KAT6B: variants seen among roughly 807,000 people sequenced by gnomAD.
The protein encoded by KAT6B is histone acetyltransferase KAT6B.
KAT6B carries 10 observed loss-of-function variants against 187.5 expected under a neutral mutation model. The observed-to-expected ratio is 0.05, with a 90% CI of 0.03 to 0.09. KAT6B has a LOEUF of 0.09. KAT6B is among the 10% of genes least tolerant of loss of function. The pLI is 1.00. For missense variants in KAT6B, 1,952 were observed against 2,558.9 expected (o/e 0.76, Z 5.12); for synonymous variants, 861 against 926.8 (o/e 0.93, Z 1.29).
chr10:74,935,911 G>A lies in KAT6B; in HGVS notation c.622-24059G>A, dbSNP rs149777601. On this transcript the variant is annotated intron_variant, in intron 3 of 17. Coordinates refer to ENST00000287239, the MANE Select transcript of KAT6B (RefSeq NM_012330.4). ...AAATAATTTTTTTTAAAAGGATAGT[G>A]TGAGGAAGTAATTTTGTTTTTAAAA... Among the ~76,000 whole-genome samples the A allele has an allele frequency of 1.1e-3, 167 of 152,346 alleles. 1 individual carries two copies. Among genetic ancestry groups the A allele is most frequent in the African/African-American group, 3.8e-3 (158 of 41,590 alleles).
rs533885492 is a variant in KAT6B, at chr10:74,905,286, G to A, written c.622-54684G>A. 1.1e-4 allele frequency among the ~76,000 whole-genome samples: 16 copies of A among 152,310 alleles called. No individual in the cohort carries two copies. In the South Asian group the frequency reaches 2.1e-3, roughly 20 times the overall value. On this transcript the variant is annotated intron_variant, in intron 3 of 17. Transcript: ENST00000287239. ...AGAGATCATTGCCTCAGGCCACAGC[G>A]ACTAGGTGTGTGGCAGAGTTAACCT...
intron 3 of KAT6B, among the ~76,000 whole-genome samples, chr10:74,854,790 T>C (rs1842708945): frequency 1.3e-5 from 2 of 152,238 alleles, no homozygotes; most frequent in South Asian, 4.1e-4. Flanking sequence ...AACAGATGTT[T>C]TGGCTCTATT....
At chr10:75,019,764 C>CT (rs71307707) in intron 13 of KAT6B, among the ~76,000 whole-genome samples, 10,596 of 129,296 alleles carry the variant, frequency 0.082, 459 homozygotes, top group East Asian at 0.16. Context: ...GGGCTGGTTT[C>CT]TTTTTTTTTT....
At chr10:74,953,439 G>A (rs773607790) in intron 3 of KAT6B, among the ~76,000 whole-genome samples, 8 of 152,094 alleles carry the variant, frequency 5.3e-5, no homozygotes, top group African/African-American at 9.7e-5. Context: ...TTAACAACCC[G>A]AGAGCTAGAC....
At chr10:74,840,291 G>C (rs1841641857) in intron 2 of KAT6B, among the ~76,000 whole-genome samples, 1 of 152,222 alleles carries the variant, frequency 6.6e-6, no homozygotes, top group African/African-American at 2.4e-5. Context: ...GAAACAATGT[G>C]ATATGTGGAA....
intron 3 of KAT6B, among the ~76,000 whole-genome samples, chr10:74,907,307 T>C (rs921938757): frequency 2.0e-5 from 3 of 152,192 alleles, no homozygotes; most frequent in African/African-American, 4.8e-5. Context: ...TCTTAGAGAC[T>C]AGCCAGTACA....
rs767824233 is a variant in KAT6B at position 74,992,652 on chromosome 10, A to ACTGCATAC, written c.2629+3540_2629+3541insCTGCATAC. On this transcript the variant is annotated intron_variant, in intron 13 of 17. Transcript: ENST00000287239. The stretch of plus-strand genomic sequence containing the variant: ...TTGTAAGCCAAGGACTGTCTGTATA[A>ACTGCATAC]AGAACTGCAAATGCAGGGCTTTGAA... Among the ~76,000 whole-genome samples the ACTGCATAC allele has an allele frequency of 2.6e-3, 398 of 152,350 alleles. 1 individual carries two copies. The highest frequency in any genetic ancestry group is 4.8e-3 in the Non-Finnish European group (328 of 68,034).
At chr10:74,941,943 A>C (rs765144352) in intron 3 of KAT6B, among the ~76,000 whole-genome samples, 9 of 152,140 alleles carry the variant, frequency 5.9e-5, no homozygotes, top group Non-Finnish European at 1.2e-4. Context: ...GGAGTTCAAG[A>C]GTTCAAGACC....
intron 3 of KAT6B, among the ~76,000 whole-genome samples, chr10:74,908,178 G>A (rs546109222): frequency 7.9e-5 from 12 of 152,306 alleles, no homozygotes; most frequent in African/African-American, 2.9e-4. Context: ...GCACTACCAT[G>A]AGATTCTGCA....
At chr10:74,947,268 A>G (rs1840016335) in intron 3 of KAT6B, among the ~76,000 whole-genome samples, 1 of 152,234 alleles carries the variant, frequency 6.6e-6, no homozygotes, top group Admixed American at 6.5e-5. Flanking sequence ...CTGGAATTAT[A>G]GGGATGAGCC....
At chr10:74,999,387 T>C (rs1470477175) in intron 13 of KAT6B, among the ~76,000 whole-genome samples, 1 of 152,084 alleles carries the variant, frequency 6.6e-6, no homozygotes, top group African/African-American at 2.4e-5. Context: ...GTCGTGGACA[T>C]GCGGTGGTAG....
intron 3 of KAT6B, among the ~76,000 whole-genome samples, chr10:74,846,412 A>G (rs1371640761): frequency 6.6e-6 from 1 of 152,118 alleles, no homozygotes; most frequent in Non-Finnish European, 1.5e-5. Context: ...TTTTAATTAA[A>G]TACATATGTA....
chr10:74,849,105 C>T (rs1024783851), intron 3 of KAT6B, among the ~76,000 whole-genome samples: 3 of 152,122 alleles, frequency 2.0e-5, no homozygotes, highest in Admixed American at 2.0e-4. Flanking sequence ...CCTCAGCCTC[C>T]CGAGTAGCTG....
rs139138574 is a variant in KAT6B, at chr10:75,021,824, G to A, written c.3022-57G>A. ...AGACACTTTGCCATTGATCCTCAGA[G>A]GCTCTGGCTGTGTAACTGCCCTCTC... On this transcript the variant is annotated intron_variant, in intron 15 of 17. Coordinates refer to ENST00000287239, the MANE Select transcript of KAT6B (RefSeq NM_012330.4). The A allele has an allele frequency of 1.7e-4, 275 of 1,592,350 alleles. 2 individuals are homozygous for A. Among genetic ancestry groups the A allele is most frequent in the South Asian group, 1.6e-3 (142 of 89,760 alleles).
intron 3 of KAT6B, among the ~76,000 whole-genome samples, chr10:74,854,093 T>A (rs138614534): frequency 9.1e-4 from 139 of 152,366 alleles, no homozygotes; most frequent in African/African-American, 3.1e-3. Context: ...CTGAATCTTC[T>A]CAGGTACTTT....
chr10:75,017,811 A>G (rs765605559), intron 13 of KAT6B, among the ~76,000 whole-genome samples: 2 of 152,252 alleles, frequency 1.3e-5, no homozygotes, highest in Non-Finnish European at 2.9e-5. Flanking sequence ...CTTTTCTTCT[A>G]AGCTGTACAG....
intron 3 of KAT6B, among the ~76,000 whole-genome samples, chr10:74,918,476 T>C (rs1847870652): frequency 6.6e-6 from 1 of 152,222 alleles, no homozygotes; most frequent in Admixed American, 6.5e-5. Flanking sequence ...GCACGGTGGC[T>C]CATGCCTGTA....
chr10:74,944,678 A>G (rs1019255317), intron 3 of KAT6B, among the ~76,000 whole-genome samples: 2 of 152,032 alleles, frequency 1.3e-5, no homozygotes, highest in African/African-American at 4.8e-5. Context: ...GCGTAGTGGC[A>G]GGCGCCTGTG....
intron 1 of KAT6B, among the ~76,000 whole-genome samples, chr10:74,834,485 T>G (rs1434332030): frequency 6.6e-6 from 1 of 152,186 alleles, no homozygotes; most frequent in Non-Finnish European, 1.5e-5. Flanking sequence ...TGTGAGCCAC[T>G]GTGCCTGGCC....
Sources: allele counts gnomAD v4.1 joint callset (sites outside exome capture counted in the v4.1 genomes callset), GRCh38; gene constraint gnomAD v4.1.1; transcripts MANE v1.5; gene names NCBI Gene and HGNC (gene_info 2026-07-23, HGNC 2026-07-21).